Variants in PIGR observed in about 807,000 individuals in gnomAD.
The protein encoded by PIGR is polymeric immunoglobulin receptor, also known as hepatocellular carcinoma associated protein TB6.
In PIGR, 22 loss-of-function variants were observed where a neutral mutation model predicts 69.5. The observed-to-expected ratio is 0.32, with a 90% CI of 0.23 to 0.45. The LOEUF is 0.45. Ranked by LOEUF, PIGR falls within the 20% of genes least tolerant of loss-of-function variation. The pLI is 1.00. For synonymous variants in PIGR, 413 were observed against 407.6 expected, an observed-to-expected ratio of 1.01 and a Z score of -0.16; for missense variants, 885 against 974.0, an observed-to-expected ratio of 0.91 and a Z score of 1.22.
At chr1:206,937,961 C>G (rs1181074899) in intron 3 of PIGR, among the ~76,000 whole-genome samples, 1 of 152,202 alleles carries the variant, frequency 6.6e-6, no homozygotes, top group African/African-American at 2.4e-5. Context: ...TCTCCCTGCC[C>G]TGTGCTTTCT....
chr1:206,933,487 C>T (rs911004406), intron 6 of PIGR, among the ~76,000 whole-genome samples: 1 of 152,198 alleles, frequency 6.6e-6, no homozygotes, highest in Admixed American at 6.5e-5. Flanking sequence ...CCCAGGCTTC[C>T]TGACTGCCCA....
chr1:206,930,347 C>T lies in PIGR; in HGVS notation c.2266G>A (p.Glu756Lys), dbSNP rs778004423. The change falls in exon 11 of 11, where the codon GAG becomes AAG. Residue 756 changes from glutamate (E) to lysine (K), a missense_variant. Glu to Lys is a moderately conservative substitution (Grantham distance 56). Transcript: ENST00000356495. The surrounding 1 kb of genome is among the most constrained non-coding windows in gnomAD (Gnocchi z 4.3). ...FLLQSSTVAA[E>K]AQDGPQEA ...GCTTCCTGGGGGCCGTCCTGGGCCT[C>T]GGCGGCCACGGTGCTGGACTGGAGC... 11 of 1,611,658 alleles carry T rather than the reference C, an allele frequency of 6.8e-6. No individual in the cohort carries two copies. The highest frequency in any genetic ancestry group is 6.7e-5 in the East Asian group (3 of 44,576).
rs755394208 is a variant in PIGR, at chr1:206,939,202, T to A, written c.305A>T (p.Gln102Leu). The change falls in exon 3 of 11, where the codon CAG becomes CTG. Residue 102 changes from glutamine (Q) to leucine (L), a missense_variant. Coordinates refer to ENST00000356495, the MANE Select transcript of PIGR (RefSeq NM_002644.4). ...TFVVNIAQLS[Q>L]DDSGRYKCGL... ...ACACTTGTAGCGCCCGGAGTCATCCTGGCTCAGCTGGGCAATGTTCACCAC... is the reference window on the plus strand; with the variant it reads ...ACACTTGTAGCGCCCGGAGTCATCCAGGCTCAGCTGGGCAATGTTCACCAC... The A allele has an allele frequency of 6.2e-7, 1 of 1,614,208 alleles. No individual in the cohort carries two copies. Among genetic ancestry groups the A allele is most frequent in the African/African-American group, 1.3e-5 (1 of 75,068 alleles).
intron 6 of PIGR, among the ~76,000 whole-genome samples, chr1:206,934,135 T>C (rs1189391398): frequency 2.0e-5 from 3 of 152,206 alleles, no homozygotes; most frequent in Non-Finnish European, 4.4e-5. Context: ...GTGCTGGGAT[T>C]ACAGGTGTGA....
chr1:206,938,089 T>G (rs1453270160), intron 3 of PIGR, among the ~76,000 whole-genome samples: 2 of 152,254 alleles, frequency 1.3e-5, no homozygotes, highest in Admixed American at 1.3e-4. Flanking sequence ...CCCTCTGCTG[T>G]GACAAGCACA....
At position 206,933,127 on chromosome 1, in the gene PIGR, G is replaced by T; in HGVS notation, c.1745C>A (p.Pro582His). The T allele has an allele frequency of 6.2e-7, 1 of 1,614,160 alleles. No individual in the cohort carries two copies. Among genetic ancestry groups the T allele is most frequent in the Non-Finnish European group, 8.5e-7 (1 of 1,180,022 alleles). The change falls in exon 7 of 11, where the codon CCT becomes CAT. Residue 582 changes from proline to histidine, a missense_variant. By Grantham distance (77) the Pro-to-His change is moderately conservative. Coordinates refer to ENST00000356495, the MANE Select transcript of PIGR (RefSeq NM_002644.4). The part of the protein sequence containing the change: ...DVSLAKADAA[P>H]DEKVLDSGFR... ...ACCAGAGTCTAGCACCTTCTCATCAGGAGCAGCGTCTGCCTTCGCTAGGCT... is the reference window on the plus strand; with the variant it reads ...ACCAGAGTCTAGCACCTTCTCATCATGAGCAGCGTCTGCCTTCGCTAGGCT...
intron 1 of PIGR, among the ~76,000 whole-genome samples, chr1:206,944,189 C>T (rs997903146): frequency 2.0e-5 from 3 of 152,178 alleles, no homozygotes; most frequent in African/African-American, 7.2e-5. Context: ...AAGGAGACAC[C>T]TGGGGCCGGG....
At chr1:206,932,406 C>A in intron 8 of PIGR, 50 bp downstream of exon 8, 1 of 1,572,108 alleles carries the variant, frequency 6.4e-7, no homozygotes, top group Non-Finnish European at 8.6e-7. Context: ...TGATTCAGGA[C>A]TGAGGGCTCG....
rs753349144 is a variant in PIGR, at chr1:206,935,808, A to C, written c.1056T>G (p.Ile352Met). 6.3e-7 allele frequency: 1 copy of C among 1,598,324 alleles called. No homozygotes were observed. The highest frequency in any genetic ancestry group is 1.3e-5 in the African/African-American group (1 of 74,570). The change falls in exon 5 of 11, where the codon ATT (isoleucine) becomes ATG (methionine). Residue 352 changes from isoleucine to methionine, a missense_variant. Physicochemically the swap from Ile to Met is conservative, Grantham distance 10. Coordinates refer to ENST00000356495, the MANE Select transcript of PIGR (RefSeq NM_002644.4). The surrounding 1 kb of genome is among the most constrained non-coding windows in gnomAD (Gnocchi z 4.4). Reference sequence around the variant, plus strand: ...CCTTCACCACAGTGGGGCTGCGGGGAATCGTGGACTCTGGAAGCACAGACA... The same window carrying C: ...CCTTCACCACAGTGGGGCTGCGGGGCATCGTGGACTCTGGAAGCACAGACA... The part of the protein sequence containing the change: ...WQLFVNEEST[I>M]PRSPTVVKGV...
chr1:206,934,350 T>G, intron 6 of PIGR, 70 bp downstream of exon 6: 1 of 1,355,646 alleles, frequency 7.4e-7, no homozygotes, highest in African/African-American at 1.5e-5. Context: ...TGAGAAGCTC[T>G]CAGGCAGGGG....
At chr1:206,940,314 TC>T (rs1434248286) in intron 2 of PIGR, among the ~76,000 whole-genome samples, 174 bp downstream of exon 2, 1 of 152,216 alleles carries the variant, frequency 6.6e-6, no homozygotes, top group African/African-American at 2.4e-5. Context: ...CTTCCAATGC[TC>T]ACAGATGTGG....
chr1:206,931,402 G>T, intron 10 of PIGR, 95 bp downstream of exon 10: 1 of 1,611,094 alleles, frequency 6.2e-7, no homozygotes, highest in Non-Finnish European at 8.5e-7. Context: ...TCTGGGATCG[G>T]CCCCCATGTT....
rs1312309518 is a variant in PIGR, at chr1:206,935,540, G to C, written c.1324C>G (p.Leu442Val). ...CTCCAGAGAGTATCGCCGTTGGTCA[G>C]ACACCAGTAGAAGCCGGCGTCCCGG... Reference protein sequence around the residue: ...TSRDAGFYWCLTNGDTLWRTT... With the variant: ...TSRDAGFYWCVTNGDTLWRTT... Residue 442 changes from leucine to valine, a missense_variant, in exon 5 of 11, where the codon CTG becomes GTG. Physicochemically the swap from Leu to Val is conservative, Grantham distance 32 (BLOSUM62 1). Transcript: ENST00000356495. The surrounding 1 kb of genome is among the most constrained non-coding windows in gnomAD (Gnocchi z 4.4). The C allele has an allele frequency of 1.2e-6, 2 of 1,614,166 alleles. No individual in the cohort carries two copies. The highest frequency in any genetic ancestry group is 1.1e-5 in the South Asian group (1 of 91,076).
intron 10 of PIGR, 107 bp downstream of exon 10, chr1:206,931,390 A>G (rs1203215892): frequency 1.1e-5 from 17 of 1,608,804 alleles, no homozygotes; most frequent in Admixed American, 1.7e-5. Context: ...CATCCTCCCT[A>G]TTCTGGGATC....
chr1:206,945,556 C>A (rs1414648786), intron 1 of PIGR, among the ~76,000 whole-genome samples: 3 of 152,288 alleles, frequency 2.0e-5, no homozygotes, highest in African/African-American at 7.2e-5. Flanking sequence ...GTGAGGACCT[C>A]TTTTTTTCTA....
At position 206,935,135 on chromosome 1, in the gene PIGR, A is replaced by G. The variant is rs989023775; in HGVS notation, c.1378+351T>C. On this transcript the variant is annotated intron_variant, in intron 5 of 10. Transcript: ENST00000356495. The surrounding 1 kb of genome is among the most constrained non-coding windows in gnomAD (Gnocchi z 4.4). ...TATTGATGAGCACCATGATCAATCC[A>G]GAGTCTACCATAGACCATAGATCTT... is the stretch of plus-strand genomic sequence containing the variant. Among the ~76,000 whole-genome samples, 4 of 152,100 alleles carry G rather than the reference A, an allele frequency of 2.6e-5. No homozygotes were observed. The South Asian group carries it at 8.3e-4, about 32-fold the overall frequency.
chr1:206,931,287 C>T, intron 10 of PIGR: 1 of 1,444,270 alleles, frequency 6.9e-7, no homozygotes, highest in Non-Finnish European at 9.1e-7. Context: ...TAGCTCACCT[C>T]CTTCCTGGGC....
Position 206,935,906 on chromosome 1 carries a change from G to T in PIGR, c.1046-88C>A. The T allele has an allele frequency of 1.0e-6, 1 of 952,698 alleles. No individual in the cohort carries two copies. 59.0% of individuals were successfully genotyped at this position (952,698 alleles called of 1,614,324 possible). On this transcript the variant is annotated intron_variant, in intron 4 of 10. Transcript: ENST00000356495. The surrounding 1 kb of genome is among the most constrained non-coding windows in gnomAD (Gnocchi z 4.4). ...GAGAAGCCTTCTTCCCGGGGTCTCAGCCAGGATGGGGAGTGAAGTTTACAC... is the reference window on the plus strand; with the variant it reads ...GAGAAGCCTTCTTCCCGGGGTCTCATCCAGGATGGGGAGTGAAGTTTACAC...
Position 206,937,648 on chromosome 1 carries a change from G to A in PIGR, c.492C>T (p.Ser164=), listed in dbSNP as rs1679893631. The A allele has an allele frequency of 6.2e-7, 1 of 1,613,614 alleles. No homozygotes were observed. The highest frequency in any genetic ancestry group is 1.1e-5 in the South Asian group (1 of 90,954). Reference sequence around the variant, plus strand: ...GGTACAGGCCTATCTGCTTGTACAAGGACTTCCTCTTTTGAGCATTCTCAG... The same window carrying A: ...GGTACAGGCCTATCTGCTTGTACAAAGACTTCCTCTTTTGAGCATTCTCAG... The part of the protein sequence containing the change: ...FKTENAQKRK[S]LYKQIGLYPV... Residue 164 remains serine, a synonymous_variant, in exon 4 of 11, where the codon TCC becomes TCT. Coordinates refer to ENST00000356495, the MANE Select transcript of PIGR (RefSeq NM_002644.4).
Sources: gnomAD v4.1 joint callset for allele counts (sites outside exome capture counted in the v4.1 genomes callset) on GRCh38, gnomAD v4.1.1 for gene constraint, Gnocchi (gnomAD v3.1) non-coding constraint, MANE v1.5 for transcripts, NCBI Gene and HGNC (gene_info 2026-07-23, HGNC 2026-07-21) for gene names.